The following UBE2F variants were observed in gnomAD, a reference collection of about 807,000 sequenced individuals.
The protein encoded by UBE2F is NEDD8-conjugating enzyme UBE2F.
Under a neutral mutation model 29.6 loss-of-function variants are expected in UBE2F, and 5 were observed. The ratio of observed to expected loss-of-function variants is 0.17; its 90% CI spans 0.09 to 0.36. UBE2F has a LOEUF of 0.36. Ranked by LOEUF, UBE2F falls within the 10% of genes least tolerant of loss-of-function variation. The pLI is 1.00. For synonymous variants in UBE2F, 66 were observed against 81.8 expected, an observed-to-expected ratio of 0.81 and a Z score of 1.04; for missense variants, 141 against 228.5, an observed-to-expected ratio of 0.62 and a Z score of 2.47.
In UBE2F at chr2:238,042,224, T is replaced by C. The variant is rs2106423378; in HGVS notation, c.*886T>C. ...AACATGCTGCCCAGAGGAAACTGGC[T>C]GGAGCCTGGACCAGCTGGGGTTGAT... is the stretch of plus-strand genomic sequence containing the variant. On this transcript the variant is annotated 3_prime_UTR_variant, in exon 10 of 10. Coordinates refer to ENST00000272930, the MANE Select transcript of UBE2F (RefSeq NM_080678.3). The C allele has an allele frequency of 6.6e-6, 1 of 152,374 alleles. No individual in the cohort carries two copies. Among genetic ancestry groups the C allele is most frequent in the African/African-American group, 2.4e-5 (1 of 41,584 alleles). 9.4% of individuals were successfully genotyped at this position (152,374 alleles called of 1,614,324 possible). A position where few individuals can be genotyped will look rare whatever the true frequency, so the allele number is the denominator to read the frequency against.
intron 2 of UBE2F, among the ~76,000 whole-genome samples, chr2:237,987,089 A>C (rs2063493589): frequency 6.6e-6 from 1 of 152,206 alleles, no homozygotes; most frequent in Non-Finnish European, 1.5e-5. Flanking sequence ...TAGTATGGAC[A>C]TTTTAACAAT....
rs532936269 is a variant in UBE2F, at chr2:237,977,374, G to A, written c.118+4149G>A. Among the ~76,000 whole-genome samples, 6 of 152,342 alleles carry A rather than the reference G, an allele frequency of 3.9e-5. No individual in the cohort carries two copies. The East Asian group carries it at 9.6e-4, about 24-fold the overall frequency. On this transcript the variant is annotated intron_variant, in intron 2 of 9. Coordinates refer to ENST00000272930, the MANE Select transcript of UBE2F (RefSeq NM_080678.3). ...AGAACTCAGTGTAACCTCCCCTCTC[G>A]TGGCCTTTCCTTCCACTCACCTCAG...
chr2:237,968,001 T>C (rs1340344047), intron 1 of UBE2F, among the ~76,000 whole-genome samples: 1 of 152,008 alleles, frequency 6.6e-6, no homozygotes, highest in Non-Finnish European at 1.5e-5. Flanking sequence ...GGGATGTAGG[T>C]AGGAATCTTC....
chr2:237,991,140 T>G (rs1163949792), intron 3 of UBE2F, among the ~76,000 whole-genome samples: 1 of 152,172 alleles, frequency 6.6e-6, no homozygotes, highest in Non-Finnish European at 1.5e-5. Context: ...TGGTGTCAGA[T>G]AAAAAGACAG....
intron 4 of UBE2F, among the ~76,000 whole-genome samples, chr2:238,010,579 T>C (rs1432976577): frequency 6.6e-6 from 1 of 152,176 alleles, no homozygotes; most frequent in Non-Finnish European, 1.5e-5. Context: ...CTGCTTCTGG[T>C]TTTTCCTCCT....
intron 4 of UBE2F, among the ~76,000 whole-genome samples, chr2:238,006,403 C>T (rs1328730200): frequency 1.3e-5 from 2 of 152,184 alleles, no homozygotes; most frequent in Non-Finnish European, 2.9e-5. Flanking sequence ...CACGTCCAAA[C>T]CATATCAATT....
chr2:237,973,812 A>T (rs903926194), intron 2 of UBE2F: 2 of 592,188 alleles, frequency 3.4e-6, no homozygotes, highest in African/African-American at 4.0e-5. Flanking sequence ...GTGCATGCAG[A>T]TATGCATTCA....
In UBE2F at chr2:238,004,423, T is replaced by C. The variant is rs186413633; in HGVS notation, c.214+9614T>C. ...AAAAAATAAGGTTTTTTTTTCTTAT[T>C]GTGGGATTTTAAGAGTTCTTTACCA... On this transcript the variant is annotated intron_variant, in intron 4 of 9. Coordinates refer to ENST00000272930, the MANE Select transcript of UBE2F (RefSeq NM_080678.3). Among the ~76,000 whole-genome samples, 57 of 152,290 alleles carry C rather than the reference T, an allele frequency of 3.7e-4. 2 individuals carry two copies. Among genetic ancestry groups the C allele is most frequent in the Middle Eastern group, 3.4e-3 (1 of 294 alleles).
intron 5 of UBE2F, among the ~76,000 whole-genome samples, chr2:238,021,669 A>G (rs1037016592): frequency 6.6e-6 from 1 of 152,262 alleles, no homozygotes; most frequent in African/African-American, 2.4e-5. Context: ...CTTTTGCAGT[A>G]TAAAGCAGAC....
chr2:237,985,359 C>G (rs1054143722), intron 2 of UBE2F, among the ~76,000 whole-genome samples: 2 of 151,960 alleles, frequency 1.3e-5, no homozygotes, highest in Non-Finnish European at 2.9e-5. Context: ...TGTATCCCCC[C>G]ATTCTGCCCC....
At chr2:237,994,109 C>CT (rs34177204) in intron 3 of UBE2F, among the ~76,000 whole-genome samples, 61 of 122,362 alleles carry the variant, frequency 5.0e-4, no homozygotes, top group Middle Eastern at 4.1e-3. Context: ...TCTTCTTCTT[C>CT]TTTTTTTTTT....
At chr2:238,026,550 C>G (rs1028322402) in intron 6 of UBE2F, among the ~76,000 whole-genome samples, 1 of 152,166 alleles carries the variant, frequency 6.6e-6, no homozygotes, top group Non-Finnish European at 1.5e-5. Flanking sequence ...TCTCCTGCCT[C>G]AGCGTCCCGA....
intron 5 of UBE2F, among the ~76,000 whole-genome samples, chr2:238,020,700 G>GT (rs1249289647): frequency 1.3e-5 from 2 of 151,838 alleles, no homozygotes; most frequent in Non-Finnish European, 2.9e-5. Context: ...TTTTCTTTGT[G>GT]TTTTTGTTCC....
At chr2:238,001,033 CTTTTTTTTTT>C (rs371184007) in intron 4 of UBE2F, among the ~76,000 whole-genome samples, 2 of 111,828 alleles carry the variant, frequency 1.8e-5, no homozygotes, top group Non-Finnish European at 3.5e-5. Context: ...AGAGTTTTGC[CTTTTTTTTTT>C]TTTTTTTTGA....
chr2:237,972,268 T>TC (rs1425008755), intron 1 of UBE2F, among the ~76,000 whole-genome samples: 1 of 152,228 alleles, frequency 6.6e-6, no homozygotes, highest in Non-Finnish European at 1.5e-5. Context: ...CAAAGAGTGG[T>TC]GCTCCTCTTC....
chr2:237,993,017 T>G (rs2106350432), intron 3 of UBE2F, among the ~76,000 whole-genome samples: 1 of 151,556 alleles, frequency 6.6e-6, no homozygotes, highest in East Asian at 1.9e-4. Flanking sequence ...AGATGGAGTC[T>G]CGCTTTGTTG....
intron 4 of UBE2F, among the ~76,000 whole-genome samples, chr2:238,002,342 A>T (rs1467554043): frequency 6.6e-6 from 1 of 152,230 alleles, no homozygotes; most frequent in African/African-American, 2.4e-5. Context: ...ATATGTATAC[A>T]TGTGCCATGC....
chr2:237,995,742 A>G (rs889912842), intron 4 of UBE2F, among the ~76,000 whole-genome samples: 2 of 152,150 alleles, frequency 1.3e-5, no homozygotes, highest in South Asian at 4.1e-4. Context: ...AGCACAAGAA[A>G]TCCTGGTTTC....
At chr2:238,003,460 T>C in intron 4 of UBE2F, 1 of 468,598 alleles carries the variant, frequency 2.1e-6, no homozygotes, top group East Asian at 7.0e-5. Flanking sequence ...GTTCTCACAT[T>C]GGTCTGTCCC....
Sources: allele counts gnomAD v4.1 joint callset (sites outside exome capture counted in the v4.1 genomes callset), GRCh38; gene constraint gnomAD v4.1.1; transcripts MANE v1.5; gene names NCBI Gene and HGNC (gene_info 2026-07-23, HGNC 2026-07-21).